The following PNPLA7 variants were observed in gnomAD, a reference collection of about 807,000 sequenced individuals.
The protein encoded by PNPLA7 is patatin-like phospholipase domain-containing protein 7.
PNPLA7 carries 153 observed loss-of-function variants against 161.7 expected under a neutral mutation model. The observed-to-expected ratio is 0.95, with a 90% CI of 0.83 to 1.08. The LOEUF is 1.08. PNPLA7 is among the 50% of genes least tolerant of loss of function. The pLI is 0.00. For synonymous variants in PNPLA7, 809 were observed against 782.1 expected (o/e 1.03, Z -0.57); for missense variants, 1,739 against 1,856.6 (o/e 0.94, Z 1.16).
chr9:137,465,304 G>A (rs897988690), intron 26 of PNPLA7, among the ~76,000 whole-genome samples: 10 of 152,304 alleles, frequency 6.6e-5, no homozygotes, highest in Admixed American at 2.6e-4. Context: ...CAGCATGAGG[G>A]GCAGGCACAC....
intron 18 of PNPLA7, among the ~76,000 whole-genome samples, chr9:137,496,598 C>A (rs1459463149): frequency 6.6e-6 from 1 of 152,102 alleles, no homozygotes; most frequent in Non-Finnish European, 1.5e-5. Context: ...TTAATCCCAG[C>A]TACTCCGGAG....
chr9:137,497,963 C>G, intron 17 of PNPLA7, 151 bp downstream of exon 17: 1 of 1,238,176 alleles, frequency 8.1e-7, no homozygotes, highest in Non-Finnish European at 1.1e-6. Flanking sequence ...CCGAGCTAAG[C>G]TGGGGTGGGG....
In PNPLA7 at chr9:137,542,735, C is replaced by A. The variant is rs200935639; in HGVS notation, c.573G>T (p.Leu191=). The A allele has an allele frequency of 2.5e-6, 4 of 1,613,764 alleles. No homozygotes were observed. Among genetic ancestry groups the A allele is most frequent in the East Asian group, 2.2e-5 (1 of 44,878 alleles). Residue 191 remains leucine, a synonymous_variant, in exon 7 of 35, where the codon CTG becomes CTT. Coordinates refer to ENST00000406427, the MANE Select transcript of PNPLA7 (RefSeq NM_001098537.3). ...GCTGGAAGACGTGCTCCCCTTCCTGCAGCTGCACAAAGACGATGTGTTTGC... is the reference window on the plus strand; with the variant it reads ...GCTGGAAGACGTGCTCCCCTTCCTGAAGCTGCACAAAGACGATGTGTTTGC... ...ELCKHIVFVQ[L]QEGEHVFQPR... is the part of the protein sequence containing the mutation.
At chr9:137,519,549 G>A (rs1481147772) in intron 11 of PNPLA7, among the ~76,000 whole-genome samples, 1 of 152,214 alleles carries the variant, frequency 6.6e-6, no homozygotes, top group East Asian at 1.9e-4. Context: ...CACATGTGAG[G>A]AGATGGGCAC....
intron 8 of PNPLA7, among the ~76,000 whole-genome samples, chr9:137,528,117 GT>G (rs1367524163): frequency 6.6e-6 from 1 of 152,208 alleles, no homozygotes; most frequent in African/African-American, 2.4e-5. Context: ...AATATCTGTA[GT>G]TTGTGTCTTC....
In PNPLA7 at chr9:137,480,473, C is replaced by A. The variant is rs779356200; in HGVS notation, c.2419G>T (p.Glu807Ter). 4 of 1,610,614 alleles carry A rather than the reference C, an allele frequency of 2.5e-6. No individual in the cohort carries two copies. The highest frequency in any genetic ancestry group is 3.4e-5 in the Admixed American group (2 of 59,620). The change falls in exon 23 of 35, where the codon GAG (glutamate) becomes TAG (stop). Residue 807 changes from glutamate to a stop codon, truncating the protein, a stop_gained. Transcript: ENST00000406427. LOFTEE classifies it high-confidence loss of function. ...LGSAALDSVH[E>*]YRLSSWLGQQ... is the part of the protein sequence containing the mutation. ...CCCAGCCAGCTGGACAGCCGGTACT[C>A]GTGAACACTGCAGCACGCAGAGGGA...
At position 137,541,559 on chromosome 9, in the gene PNPLA7, CCCA is replaced by C; in HGVS notation, c.667-840_667-838del. 2 of 938,428 alleles carry C rather than the reference CCCA, an allele frequency of 2.1e-6. No individual in the cohort carries two copies. Among genetic ancestry groups the C allele is most frequent in the South Asian group, 9.8e-5 (2 of 20,370 alleles). The allele number at this position is 938,428 out of a possible 1,614,324, so 58.1% of individuals were successfully genotyped here. ...AGGTCAGGGTGATGATCACACAAAG[CCCA>C]GGGTTTGCTGAGTGCGTGCTTTAAA... On this transcript the variant is annotated intron_variant, in intron 7 of 34. Transcript: ENST00000406427. This position sits in a 1 kb window ranked among gnomAD's most constrained non-coding sequence, Gnocchi z 4.4.
rs1053796279 is a variant in PNPLA7 at position 137,550,274 on chromosome 9, A to G, written c.-77T>C. On this transcript the variant is annotated 5_prime_UTR_variant, in exon 1 of 35. The change abolishes an upstream ATG in the 5' untranslated region. Coordinates refer to ENST00000406427, the MANE Select transcript of PNPLA7 (RefSeq NM_001098537.3). ...AACAAGGGCACACCTCTACCCGCTCATGCTCACACCTGGACACTTTTCCCT... is the reference window on the plus strand; with the variant it reads ...AACAAGGGCACACCTCTACCCGCTCGTGCTCACACCTGGACACTTTTCCCT... The G allele has an allele frequency of 9.3e-6, 14 of 1,508,854 alleles. No individual in the cohort carries two copies. Among genetic ancestry groups the G allele is most frequent in the Non-Finnish European group, 1.3e-5 (14 of 1,085,578 alleles). 93.5% of individuals were successfully genotyped at this position (1,508,854 alleles called of 1,614,324 possible). A position where few individuals can be genotyped will look rare whatever the true frequency, so the allele number is the denominator to read the frequency against.
At chr9:137,545,483 TTAAAA>T (rs756270913) in intron 4 of PNPLA7, among the ~76,000 whole-genome samples, 46 of 152,172 alleles carry the variant, frequency 3.0e-4, no homozygotes, top group Admixed American at 7.2e-4. Flanking sequence ...TCACTTATTG[TTAAAA>T]TAAACATCCA....
intron 12 of PNPLA7, among the ~76,000 whole-genome samples, chr9:137,510,253 CCTGACAT>C (rs1277525835): frequency 2.0e-5 from 3 of 152,142 alleles, no homozygotes; most frequent in African/African-American, 7.2e-5. Flanking sequence ...TTGTGGAGGG[CCTGACAT>C]CAGTCAGACC....
chr9:137,503,836 CAAG>C (rs1350884208), intron 14 of PNPLA7, among the ~76,000 whole-genome samples: 4 of 1,248 alleles, frequency 3.2e-3, no homozygotes, highest in Non-Finnish European at 2.9e-3. Flanking sequence ...AAGAAAGAAG[CAAG>C]AAGAAGAAGG....
At chr9:137,497,000 G>A (rs961246493) in intron 18 of PNPLA7, among the ~76,000 whole-genome samples, 187 bp downstream of exon 18, 1 of 152,198 alleles carries the variant, frequency 6.6e-6, no homozygotes, top group Non-Finnish European at 1.5e-5. Flanking sequence ...AAGCAGCCGC[G>A]GGGAGTCCCC....
chr9:137,544,591 A>G (rs1480506611), intron 4 of PNPLA7, among the ~76,000 whole-genome samples: 2 of 152,174 alleles, frequency 1.3e-5, no homozygotes, highest in Non-Finnish European at 1.5e-5. Context: ...GATGAGTCAC[A>G]GACACCCACA....
intron 9 of PNPLA7, 141 bp from the exon 10 acceptor site, chr9:137,521,857 C>T (rs148628181): frequency 4.0e-5 from 24 of 604,950 alleles, no homozygotes; most frequent in South Asian, 2.3e-4. Flanking sequence ...TGAAAAACCC[C>T]GCAGACTTGA....
intron 11 of PNPLA7, among the ~76,000 whole-genome samples, 190 bp from the exon 12 acceptor site, chr9:137,515,709 G>A (rs1322814085): frequency 6.0e-5 from 9 of 150,926 alleles, no homozygotes; most frequent in Admixed American, 1.3e-4. Context: ...GCGAGTGCCG[G>A]CCTCTGACTA....
chr9:137,460,565 T>G (rs943269313), intron 34 of PNPLA7, 69 bp downstream of exon 34: 1 of 1,592,832 alleles, frequency 6.3e-7, no homozygotes, highest in Non-Finnish European at 8.6e-7. Flanking sequence ...AGGGAGGGAG[T>G]GGCCGGCACA....
Position 137,537,461 on chromosome 9 carries a change from GCACC to G in PNPLA7, c.747+3177_747+3180del, listed in dbSNP as rs2132596307. On this transcript the variant is annotated intron_variant, in intron 8 of 34. Coordinates refer to ENST00000406427, the MANE Select transcript of PNPLA7 (RefSeq NM_001098537.3). The surrounding 1 kb of genome is among the most constrained non-coding windows in gnomAD (Gnocchi z 4.5). ...GCCTCCCGAGTAGCTGGGATAACAG[GCACC>G]CGCCACCACACCCAGCTAATTTTTG... 1.3e-5 allele frequency among the ~76,000 whole-genome samples: 2 copies of G among 152,214 alleles called. No individual in the cohort carries two copies. The highest frequency in any genetic ancestry group is 4.2e-4 in the South Asian group (2 of 4,814).
In PNPLA7 at chr9:137,459,967, C is replaced by G. The variant is rs199624800; in HGVS notation, c.*426G>C. ...GAGACACGTCCAACAGTGAGATCCA[C>G]CTTTATTGAAACATCACACGGCAGC... is the stretch of plus-strand genomic sequence containing the variant. On this transcript the variant is annotated 3_prime_UTR_variant, in exon 35 of 35. Coordinates refer to ENST00000406427, the MANE Select transcript of PNPLA7 (RefSeq NM_001098537.3). 1 of 191,132 alleles carries G rather than the reference C, an allele frequency of 5.2e-6. No homozygotes were observed. The highest frequency in any genetic ancestry group is 2.4e-5 in the African/African-American group (1 of 42,360). The allele number at this position is 191,132 out of a possible 1,614,324, so 11.8% of individuals were successfully genotyped here. A position where few individuals can be genotyped will look rare whatever the true frequency, so the allele number is the denominator to read the frequency against.
chr9:137,484,851 C>T, intron 20 of PNPLA7, 115 bp from the exon 21 acceptor site: 1 of 1,272,826 alleles, frequency 7.9e-7, no homozygotes. Context: ...CCAGAGGCCG[C>T]CTGGCCCTCC....
Sources: gnomAD v4.1 joint callset for allele counts (sites outside exome capture counted in the v4.1 genomes callset) on GRCh38, gnomAD v4.1.1 for gene constraint, Gnocchi (gnomAD v3.1) non-coding constraint, MANE v1.5 for transcripts, NCBI Gene and HGNC (gene_info 2026-07-23, HGNC 2026-07-21) for gene names.